Variants in ACER1 observed in about 807,000 individuals in gnomAD.
ACER1 encodes the protein CTB-180A7.3.
In ACER1, 28 loss-of-function variants were observed where a neutral mutation model predicts 24.9. The ratio of observed to expected loss-of-function variants is 1.13; its 90% CI spans 0.83 to 1.54. ACER1 has a LOEUF of 1.54. Among genes scored for constraint, ACER1 ranks in the 40% most tolerant of loss-of-function variants. The pLI is 0.00. For synonymous variants in ACER1, 132 were observed against 131.4 expected (o/e 1.00, Z -0.03); for missense variants, 352 against 349.3 (o/e 1.01, Z -0.06).
the ACER1 span, chr19:6,344,066 AC>A: frequency 6.6e-6 from 1 of 152,134 alleles, no homozygotes; most frequent in Admixed American, 6.6e-5. Flanking sequence ...GGAGCTCAAG[AC>A]AGGTGGATCA....
intron 1 of ACER1, 100 bp from the exon 2 acceptor site, chr19:6,312,599 G>T: frequency 1.1e-6 from 1 of 895,272 alleles, no homozygotes. Context: ...TCGGTTACCT[G>T]CTGCATTTCA....
At chr19:6,314,876 A>T (rs1444026470) in intron 1 of ACER1, among the ~76,000 whole-genome samples, 6 of 107,196 alleles carry the variant, frequency 5.6e-5, no homozygotes, top group Admixed American at 3.5e-4. Flanking sequence ...ATGGAATTTT[A>T]TTTATTTATT....
chr19:6,329,354 GATATAGAATAGA>G (rs1475922933), intron 1 of ACER1, among the ~76,000 whole-genome samples: 10 of 35,018 alleles, frequency 2.9e-4, no homozygotes, highest in African/African-American at 1.6e-3. Flanking sequence ...GAGGCTTTTT[GATATAGAATAGA>G]ATAGAATAGA....
rs2091557094 is a variant in ACER1 at position 6,307,267 on chromosome 19, T to G, written c.512A>C (p.His171Pro). 1 of 1,613,792 alleles carries G rather than the reference T, an allele frequency of 6.2e-7. No individual in the cohort carries two copies. Among genetic ancestry groups the G allele is most frequent in the African/African-American group, 1.3e-5 (1 of 74,852 alleles). Residue 171 changes from histidine to proline, a missense_variant, in exon 5 of 6, where the codon CAC (histidine) becomes CCC (proline). By Grantham distance (77) the His-to-Pro change is moderately conservative. Transcript: ENST00000301452. ...YRKTSNKELRHLIEVSVVLWA... is the reference protein window; with the variant it reads ...YRKTSNKELRPLIEVSVVLWA... ...TAAAACCACGGAGACCTCAATCAGG[T>G]GCCGAAGCTCCTTATTGCTGGTCCT...
upstream of ACER1, chr19:6,333,626 G>A (rs898320841): frequency 1.5e-6 from 2 of 1,298,036 alleles, no homozygotes; most frequent in African/African-American, 2.9e-5. Flanking sequence ...GGGCCCTGAT[G>A]AGGCGGGGAG....
In ACER1 at chr19:6,306,762, G is replaced by A. The variant is rs368149486; in HGVS notation, c.747C>T (p.Pro249=). The A allele has an allele frequency of 5.5e-5, 88 of 1,613,894 alleles. No individual in the cohort carries two copies. The highest frequency in any genetic ancestry group is 1.6e-4 in the Middle Eastern group (1 of 6,082). The part of the protein sequence containing the change: ...KVRYWPRDSW[P]VGLPYVEIRG... ...GGATTTCCACGTAGGGCAGCCCCAC[G>A]GGCCAACTGTCCCGAGGCCAGTAGC... Residue 249 remains proline, a synonymous_variant, in exon 6 of 6, where the codon CCC becomes CCT. Coordinates refer to ENST00000301452, the MANE Select transcript of ACER1 (RefSeq NM_133492.3).
chr19:6,356,061 C>T, the ACER1 span, among the ~76,000 whole-genome samples: 1 of 151,374 alleles, frequency 6.6e-6, no homozygotes, highest in Non-Finnish European at 1.5e-5. Flanking sequence ...ATTGAGAAAT[C>T]GGATGGTTGC....
intron 1 of ACER1, among the ~76,000 whole-genome samples, chr19:6,314,593 C>G (rs967791888): frequency 6.6e-6 from 1 of 152,032 alleles, no homozygotes; most frequent in African/African-American, 2.4e-5. Flanking sequence ...TGAGCCGCGA[C>G]AAGTCTCTCA....
At chr19:6,348,771 C>A in the ACER1 span, among the ~76,000 whole-genome samples, 1 of 151,890 alleles carries the variant, frequency 6.6e-6, no homozygotes, top group East Asian at 1.9e-4. Flanking sequence ...GAAAGAAGCA[C>A]GGCAGGCTGG....
At chr19:6,307,718 G>C (rs2091558823) in intron 4 of ACER1, among the ~76,000 whole-genome samples, 1 of 152,116 alleles carries the variant, frequency 6.6e-6, no homozygotes, top group Non-Finnish European at 1.5e-5. Flanking sequence ...TTGAGCCCAG[G>C]AGTGCAAGGC....
At chr19:6,323,098 G>A (rs1159927834) in intron 1 of ACER1, among the ~76,000 whole-genome samples, 1 of 148,978 alleles carries the variant, frequency 6.7e-6, no homozygotes, top group East Asian at 2.0e-4. Context: ...GGCAACAAGA[G>A]TGAAACTCTG....
chr19:6,328,686 A>T (rs2091673162), intron 1 of ACER1, among the ~76,000 whole-genome samples: 2 of 151,746 alleles, frequency 1.3e-5, no homozygotes, highest in Non-Finnish European at 2.9e-5. Context: ...ATGTTTTTTT[A>T]GACAGAGTCT....
At chr19:6,315,193 A>ATT (rs572240648) in intron 1 of ACER1, among the ~76,000 whole-genome samples, 19,787 of 148,830 alleles carry the variant, frequency 0.13, 1,480 homozygotes, top group East Asian at 0.27. Context: ...TTATTTATTT[A>ATT]TATTTATTTA....
At chr19:6,351,322 C>T in the ACER1 span, among the ~76,000 whole-genome samples, 2 of 151,812 alleles carry the variant, frequency 1.3e-5, no homozygotes, top group Non-Finnish European at 2.9e-5. Context: ...GCCGAGATTG[C>T]GCCATTGCAT....
At chr19:6,332,653 A>G (rs144619900) in intron 1 of ACER1, among the ~76,000 whole-genome samples, 2 of 151,716 alleles carry the variant, frequency 1.3e-5, no homozygotes, top group Non-Finnish European at 2.9e-5. Flanking sequence ...AGAACTGAGG[A>G]GTTTCTCAGG....
the ACER1 span, among the ~76,000 whole-genome samples, chr19:6,359,656 A>C: frequency 6.6e-6 from 1 of 152,126 alleles, no homozygotes; most frequent in Non-Finnish European, 1.5e-5. Flanking sequence ...GCCCCGGGAA[A>C]AAAAAGAAAA....
chr19:6,311,231 G>T (rs920914798), intron 3 of ACER1, among the ~76,000 whole-genome samples: 1 of 151,002 alleles, frequency 6.6e-6, no homozygotes, highest in African/African-American at 2.4e-5. Flanking sequence ...GGGCTGGGGG[G>T]GTCCTGGAGG....
At chr19:6,313,818 A>T (rs1018205158) in intron 1 of ACER1, among the ~76,000 whole-genome samples, 1 of 152,226 alleles carries the variant, frequency 6.6e-6, no homozygotes, top group Non-Finnish European at 1.5e-5. Flanking sequence ...AGACGTCCAG[A>T]TCCTAGGCCA....
the ACER1 span, among the ~76,000 whole-genome samples, chr19:6,356,941 A>G: frequency 1.3e-5 from 2 of 151,352 alleles, no homozygotes; most frequent in African/African-American, 4.9e-5. Flanking sequence ...TGAAAGTCAC[A>G]CCAAGATGAA....
Sources: allele counts gnomAD v4.1 joint callset (sites outside exome capture counted in the v4.1 genomes callset), GRCh38; gene constraint gnomAD v4.1.1; transcripts MANE v1.5; gene names NCBI Gene and HGNC (gene_info 2026-07-23, HGNC 2026-07-21).